The following GAP43 variants were observed in gnomAD, a reference collection of about 807,000 sequenced individuals.
GAP43 encodes the protein neuromodulin.
GAP43 carries 6 observed loss-of-function variants against 18.6 expected under a neutral mutation model. That is an observed-to-expected ratio of 0.32 (90% CI 0.18 to 0.64). The LOEUF (loss-of-function observed/expected upper bound fraction) is 0.64, where lower values mean the gene tolerates loss of function less well. Ranked by LOEUF, GAP43 falls within the 30% of genes least tolerant of loss-of-function variation. The probability of loss-of-function intolerance (pLI) is 0.78; values close to 1 mark genes in which losing one functional copy is unlikely to be tolerated. For synonymous variants in GAP43, 115 were observed against 111.4 expected (o/e 1.03, Z -0.20); for missense variants, 292 against 295.5 (o/e 0.99, Z 0.09).
At chr3:115,629,192 A>G (rs1435597960) in intron 1 of GAP43, among the ~76,000 whole-genome samples, 1 of 152,210 alleles carries the variant, frequency 6.6e-6, no homozygotes, top group East Asian at 1.9e-4. Context: ...CAGACTTTTC[A>G]TGACTACTCA....
At chr3:115,707,660 C>G (rs1392367558) in intron 2 of GAP43, among the ~76,000 whole-genome samples, 1 of 152,070 alleles carries the variant, frequency 6.6e-6, no homozygotes, top group African/African-American at 2.4e-5. Context: ...CTTTGCGCAT[C>G]TAAAAATAGT....
intron 1 of GAP43, among the ~76,000 whole-genome samples, chr3:115,631,012 A>G (rs1307310905): frequency 6.6e-6 from 1 of 152,178 alleles, no homozygotes; most frequent in Non-Finnish European, 1.5e-5. Context: ...CTGATTACTT[A>G]TTCAGCGTGG....
In GAP43 at chr3:115,676,426, T is replaced by C; in HGVS notation, c.444T>C (p.Thr148=). Residue 148 remains threonine (T), a synonymous_variant, in exon 2 of 3, where the codon ACT becomes ACC. Transcript: ENST00000305124. ...CAGAAAGTGCCACTAAAGCTTCCAC[T>C]GATAACTCGCCGTCCTCCAAGGCTG... ...AETESATKAS[T]DNSPSSKAED... is the part of the protein sequence containing the mutation. 1 of 1,613,948 alleles carries C rather than the reference T, an allele frequency of 6.2e-7. No individual in the cohort carries two copies. Among genetic ancestry groups the C allele is most frequent in the Non-Finnish European group, 8.5e-7 (1 of 1,179,910 alleles).
intron 2 of GAP43, among the ~76,000 whole-genome samples, chr3:115,702,301 G>GAAA (rs1298026184): frequency 6.6e-6 from 1 of 152,068 alleles, no homozygotes; most frequent in Non-Finnish European, 1.5e-5. Flanking sequence ...AAATCAGGTG[G>GAAA]TTACCTGGAT....
chr3:115,654,216 A>C (rs1281837339), intron 1 of GAP43, among the ~76,000 whole-genome samples: 1 of 152,246 alleles, frequency 6.6e-6, no homozygotes, highest in African/African-American at 2.4e-5. Flanking sequence ...CCTGGTGCTC[A>C]GAATGAAGTA....
In GAP43 at chr3:115,720,973, T is replaced by A; in HGVS notation, c.*91T>A. On this transcript the variant is annotated 3_prime_UTR_variant, in exon 3 of 3. Coordinates refer to ENST00000305124, the MANE Select transcript of GAP43 (RefSeq NM_002045.4). ...TTCTCAGCTCCACTCTGAAGTCCCTTCCTGTCCTGCTCACGTCTGTGAGTC... is the reference window on the plus strand; with the variant it reads ...TTCTCAGCTCCACTCTGAAGTCCCTACCTGTCCTGCTCACGTCTGTGAGTC... 1.3e-6 allele frequency: 1 copy of A among 768,706 alleles called. No individual in the cohort carries two copies. The highest frequency in any genetic ancestry group is 2.2e-6 in the Non-Finnish European group (1 of 460,306). The allele number at this position is 768,706 out of a possible 1,614,324, so 47.6% of individuals were successfully genotyped here.
At chr3:115,704,842 C>T (rs1709341021) in intron 2 of GAP43, among the ~76,000 whole-genome samples, 1 of 152,112 alleles carries the variant, frequency 6.6e-6, no homozygotes, top group Non-Finnish European at 1.5e-5. Context: ...TAGCTTTTCT[C>T]ATAGAGAATA....
At chr3:115,647,758 C>CAAAAAAAAAAAAAAAAAAAAAAAAAA (rs111391501) in intron 1 of GAP43, among the ~76,000 whole-genome samples, 1 of 132,096 alleles carries the variant, frequency 7.6e-6, no homozygotes, top group Non-Finnish European at 1.6e-5. Flanking sequence ...AACAAAAAAA[C>CAAAAAAAAAAAAAAAAAAAAAAAAAA]AAAAAAAAAA....
chr3:115,623,794 A>T, intron 1 of GAP43, 75 bp downstream of exon 1: 1 of 1,489,060 alleles, frequency 6.7e-7, no homozygotes, highest in Non-Finnish European at 9.4e-7. Context: ...AAGGCAAACA[A>T]TTTTTTTACT....
intron 2 of GAP43, among the ~76,000 whole-genome samples, chr3:115,698,151 T>A (rs1576998505): frequency 1.7e-5 from 1 of 57,984 alleles, no homozygotes; most frequent in Non-Finnish European, 3.0e-5. Flanking sequence ...ATATATATTA[T>A]ATATAATATA....
At chr3:115,698,330 A>G (rs1215329901) in intron 2 of GAP43, among the ~76,000 whole-genome samples, 1 of 43,318 alleles carries the variant, frequency 2.3e-5, no homozygotes, top group African/African-American at 5.3e-5. Context: ...TATATATATA[A>G]AACCAGTTCT....
At chr3:115,675,537 G>A (rs908085910) in intron 1 of GAP43, among the ~76,000 whole-genome samples, 1 of 152,094 alleles carries the variant, frequency 6.6e-6, no homozygotes, top group African/African-American at 2.4e-5. Context: ...GGAGGTGGGC[G>A]GATCACTGAG....
chr3:115,657,469 C>G (rs183193351), intron 1 of GAP43, among the ~76,000 whole-genome samples: 1 of 151,654 alleles, frequency 6.6e-6, no homozygotes, highest in Non-Finnish European at 1.5e-5. Context: ...TAATTTCTTT[C>G]GCAAATATTT....
At chr3:115,676,858 A>G (rs1471764915) in intron 2 of GAP43, among the ~76,000 whole-genome samples, 1 of 152,210 alleles carries the variant, frequency 6.6e-6, no homozygotes, top group Admixed American at 6.5e-5. Context: ...TACTAGAAAG[A>G]TCTGGCAATT....
intron 1 of GAP43, among the ~76,000 whole-genome samples, chr3:115,653,207 A>AG (rs1276202719): frequency 2.6e-5 from 4 of 152,120 alleles, no homozygotes; most frequent in African/African-American, 9.7e-5. Flanking sequence ...TGGGAGGCTG[A>AG]GGGGGGCAGA....
chr3:115,671,521 A>G (rs1708815141), intron 1 of GAP43, among the ~76,000 whole-genome samples: 1 of 152,224 alleles, frequency 6.6e-6, no homozygotes, highest in African/African-American at 2.4e-5. Context: ...GAGCTCTCAA[A>G]CAAATCAGTC....
intron 1 of GAP43, among the ~76,000 whole-genome samples, chr3:115,663,176 T>C (rs1057126003): frequency 6.6e-6 from 1 of 152,192 alleles, no homozygotes; most frequent in African/African-American, 2.4e-5. Flanking sequence ...TCAGAGCAAT[T>C]TGTACGGCAT....
chr3:115,707,729 A>G lies in GAP43; in HGVS notation c.629-13065A>G, dbSNP rs865968575. ...TCTTTATATATGAAGACTTGGTTAT[A>G]AAATTAGAAGATAGGTATAAAATTA... On this transcript the variant is annotated intron_variant, in intron 2 of 2. Coordinates refer to ENST00000305124, the MANE Select transcript of GAP43 (RefSeq NM_002045.4). Among the ~76,000 whole-genome samples the G allele has an allele frequency of 4.6e-5, 7 of 152,216 alleles. 1 individual carries two copies. The highest frequency in any genetic ancestry group is 2.6e-4 in the Admixed American group (4 of 15,278).
chr3:115,675,106 C>G (rs1708863584), intron 1 of GAP43, among the ~76,000 whole-genome samples: 1 of 152,114 alleles, frequency 6.6e-6, no homozygotes, highest in Non-Finnish European at 1.5e-5. Flanking sequence ...GGGTCTCAAT[C>G]TGTTACCAAG....
Sources: allele counts gnomAD v4.1 joint callset (sites outside exome capture counted in the v4.1 genomes callset), GRCh38; gene constraint gnomAD v4.1.1; transcripts MANE v1.5; gene names NCBI Gene and HGNC (gene_info 2026-07-23, HGNC 2026-07-21).